Variants in ALK observed in about 807,000 individuals in gnomAD.
ALK encodes ALK receptor tyrosine kinase, also known as ALK tyrosine kinase receptor.
Under a neutral mutation model 163.1 loss-of-function variants are expected in ALK, and 74 were observed. The ratio of observed to expected loss-of-function variants is 0.45; its 90% CI spans 0.38 to 0.55. The LOEUF (loss-of-function observed/expected upper bound fraction) is 0.55. Among genes scored for constraint, ALK ranks in the 20% least tolerant of loss-of-function variants. ALK has a pLI of 0.00. For synonymous variants in ALK, 960 were observed against 843.2 expected (o/e 1.14, Z -2.40); for missense variants, 2,063 against 2,105.3 (o/e 0.98, Z 0.39).
chr2:29,195,829 A>G (rs536810487), intron 28 of ALK, among the ~76,000 whole-genome samples: 1 of 151,458 alleles, frequency 6.6e-6, no homozygotes, highest in East Asian at 1.9e-4. Flanking sequence ...AGAGGGAAAG[A>G]AAGTGAATAC....
At chr2:29,438,583 A>C (rs1302290398) in intron 4 of ALK, among the ~76,000 whole-genome samples, 1 of 152,216 alleles carries the variant, frequency 6.6e-6, no homozygotes, top group South Asian at 2.1e-4. Flanking sequence ...ACTCAAAGAA[A>C]TGTTCAAATA....
intron 1 of ALK, among the ~76,000 whole-genome samples, chr2:29,901,679 C>G (rs1411871878): frequency 6.6e-6 from 1 of 152,178 alleles, no homozygotes; most frequent in African/African-American, 2.4e-5. Context: ...AATTTAGCTC[C>G]TTAAACATTT....
At chr2:29,568,799 T>C (rs1288498862) in intron 3 of ALK, among the ~76,000 whole-genome samples, 1 of 152,178 alleles carries the variant, frequency 6.6e-6, no homozygotes, top group Non-Finnish European at 1.5e-5. Context: ...AAAGATGCTG[T>C]GTGTTGCCAG....
rs770027238 is a variant in ALK at position 29,209,808 on chromosome 2, C to T, written c.3814G>A (p.Gly1272Arg). Reference protein sequence around the residue: ...PGRVAKIGDFGMARDIYRASY... With the variant: ...PGRVAKIGDFRMARDIYRASY... ...CACCTGTAGATGTCTCGGGCCATCC[C>T]GAAGTCTCCAATCTTGGCCACTCTT... Residue 1272 changes from glycine (G) to arginine (R), a missense_variant, in exon 25 of 29, where the codon GGG becomes AGG. Gly to Arg is a moderately radical substitution (Grantham distance 125). Coordinates refer to ENST00000389048, the MANE Select transcript of ALK (RefSeq NM_004304.5). 5 of 1,613,946 alleles carry T rather than the reference C, an allele frequency of 3.1e-6. No individual in the cohort carries two copies. The highest frequency in any genetic ancestry group is 1.7e-5 in the Admixed American group (1 of 59,994).
chr2:29,354,695 C>T (rs1156228811), intron 5 of ALK, among the ~76,000 whole-genome samples: 1 of 152,124 alleles, frequency 6.6e-6, no homozygotes, highest in Admixed American at 6.5e-5. Flanking sequence ...GAGCTGCTTT[C>T]CTGGCACATG....
chr2:29,587,425 T>C (rs1271451450), intron 3 of ALK, among the ~76,000 whole-genome samples: 1 of 142,728 alleles, frequency 7.0e-6, no homozygotes, highest in Non-Finnish European at 1.6e-5. Flanking sequence ...CCTTTGCTAT[T>C]CTGAGAGATC....
At chr2:29,652,325 G>T (rs1276135764) in intron 3 of ALK, among the ~76,000 whole-genome samples, 1 of 152,072 alleles carries the variant, frequency 6.6e-6, no homozygotes, top group East Asian at 1.9e-4. Context: ...ATTGAGCTTG[G>T]TTAATGAAGG....
chr2:29,903,720 T>C (rs1023807746), intron 1 of ALK, among the ~76,000 whole-genome samples: 2 of 152,174 alleles, frequency 1.3e-5, no homozygotes, highest in Admixed American at 6.5e-5. Flanking sequence ...GAAAAATAAA[T>C]GTTCTTAATC....
intron 3 of ALK, among the ~76,000 whole-genome samples, chr2:29,683,404 A>C (rs1421193638): frequency 6.6e-6 from 1 of 151,996 alleles, no homozygotes; most frequent in Non-Finnish European, 1.5e-5. Context: ...AAAAAACAAA[A>C]ACAAAAACAA....
intron 4 of ALK, among the ~76,000 whole-genome samples, chr2:29,500,098 C>T (rs1158784084): frequency 6.6e-6 from 1 of 152,156 alleles, no homozygotes; most frequent in East Asian, 1.9e-4. Context: ...GCCATGATTT[C>T]CGATCCCAGA....
chr2:29,773,652 T>C (rs910609771), intron 1 of ALK, among the ~76,000 whole-genome samples: 1 of 152,206 alleles, frequency 6.6e-6, no homozygotes, highest in African/African-American at 2.4e-5. Context: ...AAAACATCCA[T>C]CCATTGAGAT....
chr2:29,479,766 C>A (rs1573388902), intron 4 of ALK, among the ~76,000 whole-genome samples: 1 of 152,130 alleles, frequency 6.6e-6, no homozygotes, highest in East Asian at 1.9e-4. Context: ...CCTACCACCG[C>A]CCCCAGATGA....
At chr2:29,612,052 G>A (rs1009319400) in intron 3 of ALK, among the ~76,000 whole-genome samples, 8 of 152,192 alleles carry the variant, frequency 5.3e-5, no homozygotes, top group South Asian at 2.1e-4. Context: ...AGGGTGACTC[G>A]CTCACCAGCT....
chr2:29,841,199 T>TA (rs201851122), intron 1 of ALK, among the ~76,000 whole-genome samples: 5 of 151,830 alleles, frequency 3.3e-5, no homozygotes, highest in Admixed American at 6.6e-5. Context: ...CCCCATCATT[T>TA]AAAAAAAAGA....
At chr2:29,871,429 C>T (rs1212592571) in intron 1 of ALK, among the ~76,000 whole-genome samples, 1 of 152,204 alleles carries the variant, frequency 6.6e-6, no homozygotes, top group Non-Finnish European at 1.5e-5. Context: ...CTATTGCCCA[C>T]TCATCATTCA....
intron 3 of ALK, among the ~76,000 whole-genome samples, chr2:29,541,316 T>C (rs185826750): frequency 6.6e-6 from 1 of 152,370 alleles, no homozygotes; most frequent in Non-Finnish European, 1.5e-5. Context: ...TGAAACATTT[T>C]TTGTTCGAGA....
At chr2:29,876,817 T>C (rs1666736081) in intron 1 of ALK, among the ~76,000 whole-genome samples, 2 of 152,010 alleles carry the variant, frequency 1.3e-5, no homozygotes, top group African/African-American at 4.8e-5. Flanking sequence ...TTGGGGATGA[T>C]AATGAAGGTG....
chr2:29,555,357 C>G lies in ALK; in HGVS notation c.953-23241G>C, dbSNP rs183933790. ...TCACTCATTTACTTTACCTGCTAGG[C>G]TGCTGTGGGCATTTGAGTTTTTTTT... On this transcript the variant is annotated intron_variant, in intron 3 of 28. Coordinates refer to ENST00000389048, the MANE Select transcript of ALK (RefSeq NM_004304.5). Among the ~76,000 whole-genome samples, 475 of 149,400 alleles carry G rather than the reference C, an allele frequency of 3.2e-3. 4 individuals are homozygous for G. Among genetic ancestry groups the G allele is most frequent in the African/African-American group, 0.011 (459 of 40,200 alleles).
At chr2:29,720,592 T>C (rs879456098) in intron 1 of ALK, among the ~76,000 whole-genome samples, 1 of 152,184 alleles carries the variant, frequency 6.6e-6, no homozygotes, top group African/African-American at 2.4e-5. Flanking sequence ...AAAGCCCACA[T>C]GAATGCAGTT....
Sources: allele counts gnomAD v4.1 joint callset (sites outside exome capture counted in the v4.1 genomes callset), GRCh38; gene constraint gnomAD v4.1.1; transcripts MANE v1.5; gene names NCBI Gene and HGNC (gene_info 2026-07-23, HGNC 2026-07-21).